CALCRL: variants seen among roughly 807,000 people sequenced by gnomAD.
CALCRL encodes the protein calcitonin gene-related peptide type 1 receptor.
A neutral mutation model predicts 60.4 loss-of-function variants in CALCRL; 27 were observed. That is an observed-to-expected ratio of 0.45 (90% confidence interval 0.33 to 0.62). The LOEUF is 0.62. Among genes scored for constraint, CALCRL ranks in the 20% least tolerant of loss-of-function variants. CALCRL has a pLI of 0.03. For missense variants in CALCRL, 424 were observed against 540.7 expected, an observed-to-expected ratio of 0.78 and a Z score of 2.14; for synonymous variants, 190 against 182.6, an observed-to-expected ratio of 1.04 and a Z score of -0.33.
intron 8 of CALCRL, among the ~76,000 whole-genome samples, chr2:187,376,240 G>A (rs1028941451): frequency 1.3e-4 from 19 of 151,710 alleles, no homozygotes; most frequent in African/African-American, 4.1e-4. Context: ...AGTTATATTC[G>A]TTTTTTTAAA....
chr2:187,374,072 G>A (rs1317728044), intron 8 of CALCRL, among the ~76,000 whole-genome samples: 2 of 152,044 alleles, frequency 1.3e-5, no homozygotes, highest in African/African-American at 2.4e-5. Context: ...GAGGCTGGGT[G>A]GGGGAGGATT....
At chr2:187,401,266 G>A (rs1266536885) in intron 1 of CALCRL, among the ~76,000 whole-genome samples, 1 of 151,518 alleles carries the variant, frequency 6.6e-6, no homozygotes, top group Non-Finnish European at 1.5e-5. Flanking sequence ...CACCTCTCCT[G>A]CCTTCTTTAG....
chr2:187,438,316 C>G (rs1690736935), intron 1 of CALCRL, among the ~76,000 whole-genome samples: 1 of 152,070 alleles, frequency 6.6e-6, no homozygotes, highest in Admixed American at 6.6e-5. Flanking sequence ...GTTTAGAAAA[C>G]TTCCATAACA....
chr2:187,396,198 G>T (rs1295882019), intron 1 of CALCRL, among the ~76,000 whole-genome samples: 2 of 151,026 alleles, frequency 1.3e-5, no homozygotes, highest in African/African-American at 4.9e-5. Flanking sequence ...AATAAATAAA[G>T]AAAAAAATCA....
chr2:187,423,727 A>T (rs896119724), intron 1 of CALCRL, among the ~76,000 whole-genome samples: 3 of 152,084 alleles, frequency 2.0e-5, no homozygotes, highest in Non-Finnish European at 4.4e-5. Context: ...GAAAAAACTT[A>T]GGATAAATAG....
At chr2:187,354,571 G>C (rs1316229460) in intron 12 of CALCRL, among the ~76,000 whole-genome samples, 1 of 152,020 alleles carries the variant, frequency 6.6e-6, no homozygotes, top group African/African-American at 2.4e-5. Context: ...GGGCTCTTCT[G>C]AGGAGCTTGG....
At chr2:187,427,925 T>C (rs1690218655) in intron 1 of CALCRL, among the ~76,000 whole-genome samples, 1 of 152,174 alleles carries the variant, frequency 6.6e-6, no homozygotes, top group African/African-American at 2.4e-5. Context: ...GCATTGGTAG[T>C]ATGTGAACCT....
intron 1 of CALCRL, among the ~76,000 whole-genome samples, chr2:187,397,391 C>T (rs1392030187): frequency 6.6e-6 from 1 of 151,402 alleles, no homozygotes; most frequent in Non-Finnish European, 1.5e-5. Context: ...GTTAATATGA[C>T]TGCACAATTA....
At chr2:187,403,494 T>C (rs1340359783) in intron 1 of CALCRL, among the ~76,000 whole-genome samples, 2 of 151,958 alleles carry the variant, frequency 1.3e-5, no homozygotes, top group Non-Finnish European at 2.9e-5. Flanking sequence ...AAGGTGACAT[T>C]TTGTTTGGAA....
Position 187,396,302 on chromosome 2 carries a change from A to G in CALCRL, c.-292-8546T>C, listed in dbSNP as rs139017346. ...AGAAACGTCTAGTTCTCTCTTCTCC[A>G]CTGCAGAAAGTCCAAATTAGAAAAG... On this transcript the variant is annotated intron_variant, in intron 1 of 14. Transcript: ENST00000392370. 1.7e-3 allele frequency among the ~76,000 whole-genome samples: 265 copies of G among 151,940 alleles called. 4 individuals are homozygous for G. Among genetic ancestry groups the G allele is most frequent in the Middle Eastern group, 6.8e-3 (2 of 294 alleles).
chr2:187,420,187 G>A (rs1574304850), intron 1 of CALCRL, among the ~76,000 whole-genome samples: 1 of 152,118 alleles, frequency 6.6e-6, no homozygotes, highest in African/African-American at 2.4e-5. Flanking sequence ...AGCGATCACA[G>A]CTTTCCCAGC....
chr2:187,365,136 AAGAC>A (rs1209123015), intron 8 of CALCRL, among the ~76,000 whole-genome samples: 1 of 152,182 alleles, frequency 6.6e-6, no homozygotes, highest in African/African-American at 2.4e-5. Context: ...CACTAAGAGA[AAGAC>A]AATCGTATTT....
intron 12 of CALCRL, among the ~76,000 whole-genome samples, chr2:187,353,393 C>T (rs1239907025): frequency 2.0e-5 from 3 of 151,824 alleles, no homozygotes; most frequent in Non-Finnish European, 4.4e-5. Context: ...AATTTATATC[C>T]ACACAGTTTA....
At chr2:187,410,385 G>A (rs920665185) in intron 1 of CALCRL, among the ~76,000 whole-genome samples, 2 of 151,620 alleles carry the variant, frequency 1.3e-5, no homozygotes, top group African/African-American at 4.8e-5. Context: ...GAAGAGAAGA[G>A]ATATCTGCCC....
At chr2:187,365,508 C>T (rs1470165833) in intron 8 of CALCRL, among the ~76,000 whole-genome samples, 1 of 152,084 alleles carries the variant, frequency 6.6e-6, no homozygotes, top group African/African-American at 2.4e-5. Context: ...CTTAACTGGG[C>T]GATTTTGTCA....
intron 12 of CALCRL, among the ~76,000 whole-genome samples, chr2:187,358,742 A>G (rs1284378114): frequency 6.6e-6 from 1 of 151,908 alleles, no homozygotes; most frequent in African/African-American, 2.4e-5. Flanking sequence ...GTTTTTCTCT[A>G]CTCAAGATCA....
intron 1 of CALCRL, among the ~76,000 whole-genome samples, chr2:187,432,832 C>T (rs1352782820): frequency 6.6e-6 from 1 of 152,058 alleles, no homozygotes; most frequent in Non-Finnish European, 1.5e-5. Context: ...TGTATTTTTA[C>T]TGTACTTTCT....
At chr2:187,419,593 C>A (rs1412745416) in intron 1 of CALCRL, among the ~76,000 whole-genome samples, 1 of 152,042 alleles carries the variant, frequency 6.6e-6, no homozygotes, top group Non-Finnish European at 1.5e-5. Flanking sequence ...TGAAAGCTGG[C>A]AAAAATTTCG....
At chr2:187,421,410 G>C (rs1392551021) in intron 1 of CALCRL, among the ~76,000 whole-genome samples, 1 of 152,142 alleles carries the variant, frequency 6.6e-6, no homozygotes, top group Non-Finnish European at 1.5e-5. Flanking sequence ...GAAAGTTCAA[G>C]GTGTTTCTTA....
Sources: gnomAD v4.1 joint callset for allele counts (sites outside exome capture counted in the v4.1 genomes callset) on GRCh38, gnomAD v4.1.1 for gene constraint, MANE v1.5 for transcripts, NCBI Gene and HGNC (gene_info 2026-07-23, HGNC 2026-07-21) for gene names.